The following ARL15 variants were observed in gnomAD, a reference collection of about 807,000 sequenced individuals.
ARL15 encodes the protein ARF like GTPase 15.
A neutral mutation model predicts 25.2 loss-of-function variants in ARL15; 19 were observed. The ratio of observed to expected loss-of-function variants is 0.75; its 90% confidence interval spans 0.53 to 1.10. The LOEUF is 1.10. Ranked by LOEUF, ARL15 falls within the 50% of genes least tolerant of loss-of-function variation. The pLI is 0.00. For missense variants in ARL15, 220 were observed against 246.0 expected (o/e 0.89, Z 0.71); for synonymous variants, 94 against 86.8 (o/e 1.08, Z -0.46).
At chr5:54,167,087 T>C (rs150898824) in intron 2 of ARL15, among the ~76,000 whole-genome samples, 1 of 152,176 alleles carries the variant, frequency 6.6e-6, no homozygotes, top group Non-Finnish European at 1.5e-5. Context: ...GTTATAAGTT[T>C]TTCAGTCCAT....
intron 4 of ARL15, among the ~76,000 whole-genome samples, chr5:54,003,846 T>TA (rs1288948756): frequency 6.6e-6 from 1 of 151,854 alleles, no homozygotes; most frequent in Non-Finnish European, 1.5e-5. Context: ...AAAAGAAACA[T>TA]AAAAAACTGT....
intron 4 of ARL15, among the ~76,000 whole-genome samples, chr5:53,907,776 G>A (rs1026009374): frequency 6.6e-6 from 1 of 151,710 alleles, no homozygotes; most frequent in Non-Finnish European, 1.5e-5. Context: ...GATTACAGGC[G>A]TGAGCCACAG....
At chr5:54,059,050 C>T (rs1750977350) in intron 4 of ARL15, among the ~76,000 whole-genome samples, 1 of 152,178 alleles carries the variant, frequency 6.6e-6, no homozygotes. Flanking sequence ...AGTCTAAAAG[C>T]CACCTTCTCC....
chr5:54,008,384 TTGCTCAAACC>T (rs1215157418), intron 4 of ARL15, among the ~76,000 whole-genome samples: 1 of 152,240 alleles, frequency 6.6e-6, no homozygotes, highest in Non-Finnish European at 1.5e-5. Context: ...ATGGTGCCGA[TTGCTCAAACC>T]TTTGTACCCA....
At chr5:54,077,644 C>T (rs911537229) in intron 4 of ARL15, among the ~76,000 whole-genome samples, 1 of 152,186 alleles carries the variant, frequency 6.6e-6, no homozygotes, top group Non-Finnish European at 1.5e-5. Flanking sequence ...ACTTAATTAA[C>T]ATGCACACAT....
chr5:54,084,407 C>T (rs2112120520), intron 4 of ARL15, among the ~76,000 whole-genome samples: 1 of 127,446 alleles, frequency 7.8e-6, no homozygotes, highest in African/African-American at 3.0e-5. Flanking sequence ...GGGGCCACTA[C>T]AGTGGTACTG....
intron 1 of ARL15, among the ~76,000 whole-genome samples, chr5:54,270,862 GT>G (rs1757765934): frequency 6.6e-6 from 1 of 152,246 alleles, no homozygotes; most frequent in African/African-American, 2.4e-5. Context: ...AGATTGGCAT[GT>G]GAGTCTGAGC....
rs1366130127 is a variant in ARL15, at chr5:53,965,939, G to T, written c.463-79226C>A. Among the ~76,000 whole-genome samples, 4 of 152,096 alleles carry T rather than the reference G, an allele frequency of 2.6e-5. No individual in the cohort carries two copies. In the East Asian group the frequency reaches 5.8e-4, roughly 22 times the overall value. ...ACTCTTGCTCTGCAGTGTATTAAAA[G>T]GTATTAACACTTTGGATAGCTGTGA... On this transcript the variant is annotated intron_variant, in intron 4 of 4. Transcript: ENST00000504924.
chr5:54,206,649 GAAC>G (rs946684367), intron 1 of ARL15, among the ~76,000 whole-genome samples: 90 of 152,184 alleles, frequency 5.9e-4, no homozygotes, highest in African/African-American at 2.1e-3. Context: ...AAAATGAGGA[GAAC>G]AACGTTTCAT....
intron 4 of ARL15, among the ~76,000 whole-genome samples, chr5:53,946,455 GA>G (rs55727717): frequency 0.015 from 678 of 43,940 alleles, 3 homozygotes; most frequent in African/African-American, 0.044. Flanking sequence ...GTCTCAAGAG[GA>G]AAAAAAAAAA....
intron 1 of ARL15, among the ~76,000 whole-genome samples, chr5:54,218,126 T>C (rs1224307848): frequency 6.6e-6 from 1 of 152,150 alleles, no homozygotes; most frequent in Non-Finnish European, 1.5e-5. Context: ...TTTATTTGTG[T>C]CTGACCCAAG....
chr5:54,087,733 A>C (rs1328583379), intron 4 of ARL15, among the ~76,000 whole-genome samples: 1 of 18,046 alleles, frequency 5.5e-5, no homozygotes, highest in East Asian at 0.01. Context: ...AATGAAACTA[A>C]ATGGCTCCAA....
intron 1 of ARL15, 177 bp downstream of exon 1, chr5:54,310,255 G>C (rs921320093): frequency 3.1e-6 from 2 of 646,678 alleles, no homozygotes; most frequent in African/African-American, 1.9e-5. Context: ...CCACCCACCC[G>C]CCCTGGAGGC....
At chr5:53,886,850 G>A (rs533583885) in intron 4 of ARL15, 137 bp from the exon 5 acceptor site, 2 of 772,458 alleles carry the variant, frequency 2.6e-6, no homozygotes, top group South Asian at 3.6e-5. Flanking sequence ...TTTGCAATGT[G>A]GATGCCTGTC....
At chr5:54,167,734 C>A (rs1410540792) in intron 2 of ARL15, among the ~76,000 whole-genome samples, 1 of 152,116 alleles carries the variant, frequency 6.6e-6, no homozygotes, top group Non-Finnish European at 1.5e-5. Context: ...ATTCTCTTAG[C>A]ACTATTTTCT....
At chr5:54,022,969 A>G (rs1337977124) in intron 4 of ARL15, among the ~76,000 whole-genome samples, 1 of 152,208 alleles carries the variant, frequency 6.6e-6, no homozygotes, top group Non-Finnish European at 1.5e-5. Context: ...ATAAAGAAGA[A>G]TAAGTAGAAA....
chr5:54,229,717 G>T (rs1756616559), intron 1 of ARL15, among the ~76,000 whole-genome samples: 1 of 152,146 alleles, frequency 6.6e-6, no homozygotes, highest in Non-Finnish European at 1.5e-5. Flanking sequence ...AGGAGTCTAG[G>T]TTAGCATATC....
At chr5:54,165,400 C>A (rs1452402877) in intron 2 of ARL15, among the ~76,000 whole-genome samples, 2 of 151,796 alleles carry the variant, frequency 1.3e-5, no homozygotes, top group Non-Finnish European at 2.9e-5. Flanking sequence ...TAATGCTTAT[C>A]TGCTAGCAAT....
rs562041591 is a variant in ARL15 at position 53,909,444 on chromosome 5, C to T, written c.463-22731G>A. 2.4e-4 allele frequency among the ~76,000 whole-genome samples: 36 copies of T among 152,294 alleles called. No individual in the cohort carries two copies. The South Asian group carries it at 2.9e-3, about 12-fold the overall frequency. On this transcript the variant is annotated intron_variant, in intron 4 of 4. Transcript: ENST00000504924. Reference sequence around the variant, plus strand: ...CAATCAGGCTGGGCACGGTGGCTCACGCCAGTAATCCCAGCACTTAGGGAG... The same window carrying T: ...CAATCAGGCTGGGCACGGTGGCTCATGCCAGTAATCCCAGCACTTAGGGAG...
Sources: gnomAD v4.1 joint callset for allele counts (sites outside exome capture counted in the v4.1 genomes callset) on GRCh38, gnomAD v4.1.1 for gene constraint, MANE v1.5 for transcripts, NCBI Gene and HGNC (gene_info 2026-07-23, HGNC 2026-07-21) for gene names.